Variants in WNT2B observed in about 807,000 individuals in gnomAD.
WNT2B encodes protein Wnt-2b.
Under a neutral mutation model 40.5 loss-of-function variants are expected in WNT2B, and 19 were observed. That is an observed-to-expected ratio of 0.47 (90% CI 0.33 to 0.69). The LOEUF is 0.69. WNT2B is among the 30% of genes least tolerant of loss of function. WNT2B has a pLI of 0.02. For synonymous variants in WNT2B, 220 were observed against 211.9 expected (o/e 1.04, Z -0.33); for missense variants, 467 against 556.4 (o/e 0.84, Z 1.62).
chr1:112,515,293 C>T lies in WNT2B; in HGVS notation c.403+199C>T, dbSNP rs1652486201. Reference sequence around the variant, plus strand: ...TTTGTAGACAGGGGCTCCTCTAAATCTTAGTGCTCTGGGACAAGACCAAGG... The same window carrying T: ...TTTGTAGACAGGGGCTCCTCTAAATTTTAGTGCTCTGGGACAAGACCAAGG... On this transcript the variant is annotated intron_variant, in intron 2 of 4. Coordinates refer to ENST00000369684, the MANE Select transcript of WNT2B (RefSeq NM_024494.3). This position sits in a 1 kb window ranked among gnomAD's most constrained non-coding sequence, Gnocchi z 4.4. 6.6e-6 allele frequency among the ~76,000 whole-genome samples: 1 copy of T among 152,196 alleles called. No individual in the cohort carries two copies. The highest frequency in any genetic ancestry group is 2.1e-4 in the South Asian group (1 of 4,830).
At position 112,527,900 on chromosome 1, in the gene WNT2B, G is replaced by C. The variant is rs990026248; in HGVS notation, c.*7391G>C. On this transcript the variant is annotated 3_prime_UTR_variant, in exon 5 of 5. Transcript: ENST00000369684. ...AGGAAACAGTAAGGAAGGTGAACTG[G>C]AACTCTGGGGAAACTGAAAAGGTCA... 1 of 152,216 alleles carries C rather than the reference G, an allele frequency of 6.6e-6. No individual in the cohort carries two copies. The highest frequency in any genetic ancestry group is 1.5e-5 in the Non-Finnish European group (1 of 68,046). 9.4% of individuals were successfully genotyped at this position (152,216 alleles called of 1,614,324 possible). A position where few individuals can be genotyped will look rare whatever the true frequency, so the allele number is the denominator to read the frequency against.
chr1:112,475,054 G>A (rs1651015266), intron 1 of WNT2B, among the ~76,000 whole-genome samples: 1 of 152,154 alleles, frequency 6.6e-6, no homozygotes, highest in South Asian at 2.1e-4. Context: ...CCATGAGACA[G>A]TTAAACCTCT....
At chr1:112,495,316 T>C (rs1253669463) in intron 1 of WNT2B, among the ~76,000 whole-genome samples, 2 of 146,150 alleles carry the variant, frequency 1.4e-5, no homozygotes, top group African/African-American at 2.8e-5. Flanking sequence ...GTGGCTCACG[T>C]CTGTAATCCC....
intron 1 of WNT2B, among the ~76,000 whole-genome samples, chr1:112,488,116 G>A (rs1320954768): frequency 6.6e-6 from 1 of 151,936 alleles, no homozygotes; most frequent in African/African-American, 2.4e-5. Flanking sequence ...GGCCAACATG[G>A]TGGAACTCCG....
upstream of WNT2B, among the ~76,000 whole-genome samples, chr1:112,505,172 G>A (rs937177567): frequency 5.3e-5 from 8 of 152,192 alleles, no homozygotes; most frequent in African/African-American, 1.4e-4. Flanking sequence ...GACTCTGCTG[G>A]CTGGGTGGAA....
At chr1:112,474,220 A>C (rs1259384297) in intron 1 of WNT2B, among the ~76,000 whole-genome samples, 2 of 152,062 alleles carry the variant, frequency 1.3e-5, no homozygotes, top group African/African-American at 4.8e-5. Context: ...ATCTCGACTC[A>C]CTGCAACCTC....
intron 1 of WNT2B, among the ~76,000 whole-genome samples, chr1:112,488,766 G>A (rs1339197886): frequency 6.6e-6 from 1 of 151,978 alleles, no homozygotes. Context: ...ATGTTAACCA[G>A]GATGGTCTCG....
chr1:112,505,955 T>C (rs188544242), upstream of WNT2B, among the ~76,000 whole-genome samples: 184 of 152,284 alleles, frequency 1.2e-3, 1 homozygote, highest in African/African-American at 4.2e-3. Flanking sequence ...TTTCTGGCTG[T>C]ACCCCCCTCA....
chr1:112,496,522 G>A (rs1217558476), intron 1 of WNT2B, among the ~76,000 whole-genome samples: 1 of 152,128 alleles, frequency 6.6e-6, no homozygotes, highest in East Asian at 1.9e-4. Flanking sequence ...CTCCAGCTAT[G>A]AGCCCACGAA....
rs1225471977 is a variant in WNT2B at position 112,520,515 on chromosome 1, C to T, written c.*6C>T. On this transcript the variant is annotated 3_prime_UTR_variant, in exon 5 of 5. Coordinates refer to ENST00000369684, the MANE Select transcript of WNT2B (RefSeq NM_024494.3). ...AGTGGCTGGACCAAACCTGAACACA[C>T]AGATACCTCACTCATCCCTCCAATT... The T allele has an allele frequency of 1.2e-6, 2 of 1,613,068 alleles. No homozygotes were observed. Among genetic ancestry groups the T allele is most frequent in the South Asian group, 1.1e-5 (1 of 90,982 alleles).
rs1398604764 is a variant in WNT2B at position 112,509,317 on chromosome 1, A to T, written c.55A>T (p.Ser19Cys). The T allele has an allele frequency of 6.4e-7, 1 of 1,571,910 alleles. No homozygotes were observed. The highest frequency in any genetic ancestry group is 2.3e-5 in the East Asian group (1 of 42,990). ...EAAQLPLRRA[S>C]APVPVPSPAA... Reference sequence around the variant, plus strand: ...TGCGCAGCTCCCGCTTCGGCGCGCCAGCGCCCCGGTCCCTGTGCCGTCGCC... The same window carrying T: ...TGCGCAGCTCCCGCTTCGGCGCGCCTGCGCCCCGGTCCCTGTGCCGTCGCC... The change falls in exon 1 of 5, where the codon AGC becomes TGC. Residue 19 changes from serine to cysteine, a missense_variant. Physicochemically the swap from Ser to Cys is moderately radical, Grantham distance 112. This residue lies in a region of WNT2B where 137 missense variants were observed against 117.7 expected (regional missense o/e 1.16). Coordinates refer to ENST00000369684, the MANE Select transcript of WNT2B (RefSeq NM_024494.3). The surrounding 1 kb of genome is among the most constrained non-coding windows in gnomAD (Gnocchi z 4.2).
At chr1:112,473,071 A>T (rs866481302) in intron 1 of WNT2B, among the ~76,000 whole-genome samples, 2 of 145,244 alleles carry the variant, frequency 1.4e-5, no homozygotes, top group African/African-American at 5.4e-5. Context: ...GAAAGGAAGA[A>T]AAAGAAAGAA....
Position 112,525,943 on chromosome 1 carries a change from A to G in WNT2B, c.*5434A>G. 1 of 1,600,374 alleles carries G rather than the reference A, an allele frequency of 6.2e-7. No homozygotes were observed. Among genetic ancestry groups the G allele is most frequent in the South Asian group, 1.1e-5 (1 of 89,878 alleles). On this transcript the variant is annotated 3_prime_UTR_variant, in exon 5 of 5. Coordinates refer to ENST00000369684, the MANE Select transcript of WNT2B (RefSeq NM_024494.3). ...ACAACAACCCTGTGAGGTAGGGGTT[A>G]CTGTCACTTTACAGATGCTGTTCAG...
chr1:112,486,401 C>T (rs2101060751), intron 1 of WNT2B, among the ~76,000 whole-genome samples: 1 of 152,242 alleles, frequency 6.6e-6, no homozygotes, highest in Non-Finnish European at 1.5e-5. Context: ...CAAGGTCACA[C>T]CACTGCACTC....
chr1:112,470,014 ACAC>A lies in WNT2B; in HGVS notation c.-95+2427_-95+2429del, dbSNP rs566825995. ...TCTACTCAAGATATGAGTAGTTTAC[ACAC>A]CACAATTACAGTGTTATGATATTCT... On this transcript the variant is annotated intron_variant, in intron 1 of 4. Transcript: ENST00000256640. 6.6e-5 allele frequency among the ~76,000 whole-genome samples: 10 copies of A among 152,338 alleles called. No individual in the cohort carries two copies. In the South Asian group the frequency reaches 2.1e-3, roughly 32 times the overall value.
chr1:112,498,989 C>T (rs756913762), intron 1 of WNT2B, among the ~76,000 whole-genome samples: 3 of 152,084 alleles, frequency 2.0e-5, no homozygotes, highest in Admixed American at 6.6e-5. Context: ...AGGTGGATCA[C>T]GAGGTGAAGA....
intron 4 of WNT2B, among the ~76,000 whole-genome samples, chr1:112,519,892 T>TTTTTTTTTG: frequency 7.2e-6 from 1 of 138,176 alleles, no homozygotes; most frequent in Non-Finnish European, 1.6e-5. Flanking sequence ...TTTTTTTTTT[T>TTTTTTTTTG]GGAGACAGAG....
intron 1 of WNT2B, among the ~76,000 whole-genome samples, chr1:112,498,062 ATC>A (rs1651832740): frequency 6.6e-6 from 1 of 151,326 alleles, no homozygotes; most frequent in African/African-American, 2.4e-5. Context: ...TGTCCTAACG[ATC>A]TCTGTCCCCT....
chr1:112,514,652 A>T, intron 1 of WNT2B: 2 of 583,102 alleles, frequency 3.4e-6, no homozygotes, highest in Non-Finnish European at 6.1e-6. Context: ...GGAACTGGTG[A>T]TGGTGGGAGG....
Sources: gnomAD v4.1 joint callset for allele counts (sites outside exome capture counted in the v4.1 genomes callset) on GRCh38, gnomAD v4.1.1 for gene constraint, gnomAD v4.1.1 regional missense constraint, Gnocchi (gnomAD v3.1) non-coding constraint, MANE v1.5 for transcripts, NCBI Gene and HGNC (gene_info 2026-07-23, HGNC 2026-07-21) for gene names.